Variants in OGDH observed in about 807,000 individuals in gnomAD.
OGDH encodes 2-oxoglutarate dehydrogenase complex component E1.
A neutral mutation model predicts 116.6 loss-of-function variants in OGDH; 38 were observed. The observed-to-expected ratio is 0.33, with a 90% CI of 0.25 to 0.43. OGDH has a LOEUF of 0.43. OGDH is among the 20% of genes least tolerant of loss of function. OGDH has a pLI of 1.00. For synonymous variants in OGDH, 488 were observed against 533.3 expected (o/e 0.92, Z 1.17); for missense variants, 825 against 1,357.2 (o/e 0.61, Z 6.16).
chr7:44,650,195 T>C (rs1334344015), intron 4 of OGDH, among the ~76,000 whole-genome samples: 3 of 152,152 alleles, frequency 2.0e-5, no homozygotes, highest in Non-Finnish European at 4.4e-5. Flanking sequence ...GTTAAAACAT[T>C]TGTATCTGTA....
At chr7:44,703,512 G>A (rs1007342481) in intron 20 of OGDH, among the ~76,000 whole-genome samples, 2 of 152,102 alleles carry the variant, frequency 1.3e-5, no homozygotes, top group East Asian at 1.9e-4. Context: ...TTGAGGTCAC[G>A]AATTTGAGAC....
intron 10 of OGDH, among the ~76,000 whole-genome samples, chr7:44,687,091 A>AT (rs59074567): frequency 0.22 from 20,965 of 95,812 alleles, 3,090 homozygotes; most frequent in East Asian, 0.39. Context: ...ATTTTTTTTA[A>AT]TTTTTTTTTT....
At chr7:44,607,998 GC>G (rs35408595) in intron 1 of OGDH, among the ~76,000 whole-genome samples, 47,263 of 152,014 alleles carry the variant, frequency 0.31, 8,667 homozygotes, top group Non-Finnish European at 0.41. Flanking sequence ...ACTGCGCCCG[GC>G]CCCTCATTAT....
intron 10 of OGDH, among the ~76,000 whole-genome samples, chr7:44,691,020 C>T (rs532264466): frequency 1.9e-3 from 288 of 152,186 alleles, no homozygotes; most frequent in African/African-American, 6.6e-3. Context: ...AGCCATTAAA[C>T]ATAAATATAG....
chr7:44,676,618 A>C (rs866471008), intron 9 of OGDH: 1 of 137,092 alleles, frequency 7.3e-6, no homozygotes, highest in African/African-American at 3.4e-5. Flanking sequence ...GTGTGTGTAT[A>C]TATATATATA....
chr7:44,655,589 C>T (rs188535101), intron 4 of OGDH, among the ~76,000 whole-genome samples: 1 of 152,326 alleles, frequency 6.6e-6, no homozygotes, highest in East Asian at 1.9e-4. Context: ...CCTTCCTGAC[C>T]CCATCCCCCA....
At chr7:44,623,851 G>A (rs1196710429) in intron 1 of OGDH, among the ~76,000 whole-genome samples, 3 of 152,088 alleles carry the variant, frequency 2.0e-5, no homozygotes, top group Non-Finnish European at 4.4e-5. Flanking sequence ...TCACCATGTT[G>A]GCCAGGATGG....
At chr7:44,631,315 G>A (rs1785430552) in intron 2 of OGDH, among the ~76,000 whole-genome samples, 2 of 152,138 alleles carry the variant, frequency 1.3e-5, no homozygotes, top group South Asian at 4.1e-4. Flanking sequence ...GAAGATTCAG[G>A]AGGTACATGT....
At chr7:44,640,538 C>G (rs1210200294) in intron 2 of OGDH, among the ~76,000 whole-genome samples, 1 of 152,162 alleles carries the variant, frequency 6.6e-6, no homozygotes, top group African/African-American at 2.4e-5. Flanking sequence ...ACTTTTGGCT[C>G]TGGATCCAAA....
chr7:44,627,834 G>C (rs185251243), intron 2 of OGDH, among the ~76,000 whole-genome samples: 1 of 151,920 alleles, frequency 6.6e-6, no homozygotes, highest in Non-Finnish European at 1.5e-5. Flanking sequence ...GCGCCACCAC[G>C]CCTGGCTAAT....
At chr7:44,645,053 G>A (rs1244583724) in intron 2 of OGDH, among the ~76,000 whole-genome samples, 1 of 152,218 alleles carries the variant, frequency 6.6e-6, no homozygotes, top group Non-Finnish European at 1.5e-5. Flanking sequence ...TGGGTTATGT[G>A]TGTTGATGGA....
intron 9 of OGDH, among the ~76,000 whole-genome samples, chr7:44,680,527 A>G (rs1787882791): frequency 6.8e-6 from 1 of 147,168 alleles, no homozygotes; most frequent in South Asian, 2.1e-4. Context: ...ACAAACTCAT[A>G]GTTTTATTGC....
chr7:44,615,606 CT>C (rs1292238939), intron 1 of OGDH, among the ~76,000 whole-genome samples: 1 of 152,190 alleles, frequency 6.6e-6, no homozygotes, highest in Non-Finnish European at 1.5e-5. Flanking sequence ...TTCCATCTTG[CT>C]GCTCTTTTCC....
rs780194906 is a variant in OGDH, at chr7:44,675,191, G to A, written c.949G>A (p.Val317Met). 5 of 1,613,974 alleles carry A rather than the reference G, an allele frequency of 3.1e-6. No individual in the cohort carries two copies. The highest frequency in any genetic ancestry group is 1.3e-5 in the African/African-American group (1 of 74,896). Residue 317 changes from valine to methionine, a missense_variant, in exon 8 of 23, where the codon GTG becomes ATG. Around this residue, in one of 7 missense-constraint regions of OGDH, gnomAD observed 171 missense variants for 276.8 expected, o/e 0.62. Transcript: ENST00000222673. ...CATACGTTCCAGAGGGCGGCTGAAC[G>A]TGCTTGCAAATGTCATCAGGAAGGA... ...MGMPHRGRLN[V>M]LANVIRKELE...
At chr7:44,652,543 A>G (rs964994846) in intron 4 of OGDH, among the ~76,000 whole-genome samples, 11 of 152,102 alleles carry the variant, frequency 7.2e-5, no homozygotes, top group African/African-American at 2.4e-4. Context: ...GAGTTCCAAC[A>G]TGAGATACTT....
chr7:44,701,807 C>A (rs561386265), intron 20 of OGDH, among the ~76,000 whole-genome samples, 192 bp downstream of exon 20: 1 of 152,222 alleles, frequency 6.6e-6, no homozygotes, highest in East Asian at 1.9e-4. Flanking sequence ...CTTTGGGAGG[C>A]CGAGGCAGGC....
At chr7:44,683,615 A>T (rs1267930231) in intron 10 of OGDH, among the ~76,000 whole-genome samples, 1 of 152,216 alleles carries the variant, frequency 6.6e-6, no homozygotes, top group Admixed American at 6.5e-5. Flanking sequence ...GGTTCCATGT[A>T]CACAGCTTTA....
chr7:44,610,076 A>G (rs1224617493), intron 1 of OGDH, among the ~76,000 whole-genome samples: 1 of 151,950 alleles, frequency 6.6e-6, no homozygotes, highest in African/African-American at 2.4e-5. Flanking sequence ...TTAGCCTCCC[A>G]AAGGCTAGGA....
intron 5 of OGDH, among the ~76,000 whole-genome samples, chr7:44,672,333 A>G (rs1047837004): frequency 2.0e-5 from 3 of 152,156 alleles, no homozygotes; most frequent in African/African-American, 7.2e-5. Flanking sequence ...TTAACTGCTC[A>G]TGCCAGCTGG....
Sources: gnomAD v4.1 joint callset for allele counts (sites outside exome capture counted in the v4.1 genomes callset) on GRCh38, gnomAD v4.1.1 for gene constraint, gnomAD v4.1.1 regional missense constraint, MANE v1.5 for transcripts, NCBI Gene and HGNC (gene_info 2026-07-23, HGNC 2026-07-21) for gene names.